SLC12A6: variants seen among roughly 807,000 people sequenced by gnomAD.
SLC12A6 encodes solute carrier family 12 member 6, also known as K-Cl cotransporter 3.
SLC12A6 carries 66 observed loss-of-function variants against 135.3 expected under a neutral mutation model. That is an observed-to-expected ratio of 0.49 (90% CI 0.40 to 0.60). The LOEUF (loss-of-function observed/expected upper bound fraction) is 0.60. Ranked by LOEUF, SLC12A6 falls within the 20% of genes least tolerant of loss-of-function variation. SLC12A6 has a pLI of 0.00. For synonymous variants in SLC12A6, 513 were observed against 508.8 expected (o/e 1.01, Z -0.11); for missense variants, 1,058 against 1,452.3 (o/e 0.73, Z 4.41).
chr15:34,291,091 A>G (rs1051942803), intron 2 of SLC12A6, among the ~76,000 whole-genome samples: 1 of 152,150 alleles, frequency 6.6e-6, no homozygotes, highest in African/African-American at 2.4e-5. Context: ...GGTCTTTACA[A>G]TTTGGTATGT....
intron 2 of SLC12A6, among the ~76,000 whole-genome samples, chr15:34,310,665 TGTGTC>T (rs1351766233): frequency 1.1e-5 from 1 of 87,884 alleles, no homozygotes; most frequent in Non-Finnish European, 2.1e-5. Flanking sequence ...TGTGTGTGTG[TGTGTC>T]CCCGTGTCCA....
chr15:34,265,499 T>C (rs537331797), intron 3 of SLC12A6, among the ~76,000 whole-genome samples: 11 of 150,586 alleles, frequency 7.3e-5, no homozygotes, highest in Non-Finnish European at 1.6e-4. Flanking sequence ...ATCAAATAGG[T>C]ACTGGGAGAG....
intron 2 of SLC12A6, among the ~76,000 whole-genome samples, chr15:34,285,521 T>C (rs75402336): frequency 0.027 from 4,124 of 151,696 alleles, 187 homozygotes; most frequent in African/African-American, 0.095. Context: ...TTTTTTTTTT[T>C]CCAAGCCAGC....
intron 2 of SLC12A6, among the ~76,000 whole-genome samples, chr15:34,317,178 C>T (rs1185792388): frequency 5.3e-5 from 8 of 152,102 alleles, no homozygotes; most frequent in Non-Finnish European, 1.0e-4. Flanking sequence ...AATAACCTTG[C>T]GGACAAAGAG....
At chr15:34,270,638 A>G (rs1160171256) in intron 3 of SLC12A6, among the ~76,000 whole-genome samples, 1 of 151,980 alleles carries the variant, frequency 6.6e-6, no homozygotes, top group African/African-American at 2.4e-5. Context: ...CCCCGTCTCC[A>G]CTGAAAATAC....
rs900722900 is a variant in SLC12A6, at chr15:34,237,626, T to C, written c.2803-76A>G. 1.3e-5 allele frequency: 16 copies of C among 1,251,006 alleles called. No individual in the cohort carries two copies. In the African/African-American group the frequency reaches 1.9e-4, roughly 15 times the overall value. The allele number at this position is 1,251,006 out of a possible 1,614,324, so 77.5% of individuals were successfully genotyped here. ...GGTTATTTCCTAAGACATTAGACAT[T>C]GTGGTCTAGAAGAACCTTGCTATAT... On this transcript the variant is annotated intron_variant, in intron 21 of 25. Coordinates refer to ENST00000354181, the MANE Select transcript of SLC12A6 (RefSeq NM_001365088.1).
At chr15:34,255,233 T>C (rs1424252656) in intron 8 of SLC12A6, 29 bp downstream of exon 8, 5 of 1,517,450 alleles carry the variant, frequency 3.3e-6, no homozygotes, top group African/African-American at 2.7e-5. Flanking sequence ...TTCTTCTATA[T>C]TATAGACCAC....
chr15:34,298,661 AAAG>A (rs1371463236), intron 2 of SLC12A6, among the ~76,000 whole-genome samples: 1 of 152,100 alleles, frequency 6.6e-6, no homozygotes, highest in African/African-American at 2.4e-5. Flanking sequence ...CTAACATAAA[AAAG>A]AAGAAAAGAA....
At position 34,229,857 on chromosome 15, in the gene SLC12A6, C is replaced by G. The variant is rs1228860833; in HGVS notation, c.*4024G>C. 2.7e-6 allele frequency: 4 copies of G among 1,464,902 alleles called. No homozygotes were observed. The highest frequency in any genetic ancestry group is 1.4e-5 in the African/African-American group (1 of 72,010). The allele number at this position is 1,464,902 out of a possible 1,614,324, so 90.7% of individuals were successfully genotyped here. A position where few individuals can be genotyped will look rare whatever the true frequency, so the allele number is the denominator to read the frequency against. On this transcript the variant is annotated 3_prime_UTR_variant, in exon 26 of 26. Transcript: ENST00000354181. ...TTACATCCTTCTTTAAGCCCAGTGG[C>G]TCCTCAGCATACTCTTAAACTAATC...
At chr15:34,275,471 A>C in intron 2 of SLC12A6, 82 bp from the exon 3 acceptor site, 1 of 811,286 alleles carries the variant, frequency 1.2e-6, no homozygotes, top group Non-Finnish European at 2.1e-6. Context: ...AACAAAAGTC[A>C]ACCAAGGAAA....
chr15:34,240,892 T>A (rs1383622264), intron 18 of SLC12A6, 63 bp from the exon 19 acceptor site: 5 of 1,246,626 alleles, frequency 4.0e-6, no homozygotes, highest in Non-Finnish European at 5.8e-6. Context: ...GGGAACAGAA[T>A]GACAGACTCC....
intron 2 of SLC12A6, among the ~76,000 whole-genome samples, chr15:34,283,172 A>G (rs1359025622): frequency 6.6e-6 from 1 of 151,990 alleles, no homozygotes; most frequent in African/African-American, 2.4e-5. Flanking sequence ...GTGAAACCCC[A>G]TCTCAACTAA....
intron 2 of SLC12A6, among the ~76,000 whole-genome samples, chr15:34,289,592 G>T (rs1428754140): frequency 6.6e-6 from 1 of 152,182 alleles, no homozygotes; most frequent in Non-Finnish European, 1.5e-5. Context: ...GAATCTGGCT[G>T]TGAATCCTTC....
rs1169854385 is a variant in SLC12A6 at position 34,236,732 on chromosome 15, T to C, written c.3018A>G (p.Leu1006=). The C allele has an allele frequency of 2.5e-6, 4 of 1,604,142 alleles. No homozygotes were observed. Among genetic ancestry groups the C allele is most frequent in the African/African-American group, 1.3e-5 (1 of 74,804 alleles). Residue 1006 remains leucine (L), a synonymous_variant, in exon 23 of 26, where the codon CTA becomes CTG. Coordinates refer to ENST00000354181, the MANE Select transcript of SLC12A6 (RefSeq NM_001365088.1). ...QRSQMLRHMR[L]SKTERDREAQ... is the part of the protein sequence containing the mutation. ...CCTCTCTGTCTCGCTCTGTTTTGGATAGCCGCATGTGCCGGAGCATCTGGG... is the reference window on the plus strand; with the variant it reads ...CCTCTCTGTCTCGCTCTGTTTTGGACAGCCGCATGTGCCGGAGCATCTGGG...
chr15:34,264,876 T>C (rs1157638078), intron 3 of SLC12A6, among the ~76,000 whole-genome samples: 1 of 152,220 alleles, frequency 6.6e-6, no homozygotes, highest in Non-Finnish European at 1.5e-5. Context: ...TCTTTTCCTC[T>C]TCTTAATGGC....
chr15:34,309,519 G>C (rs1454680423), intron 2 of SLC12A6, among the ~76,000 whole-genome samples: 2 of 152,094 alleles, frequency 1.3e-5, no homozygotes, highest in Non-Finnish European at 2.9e-5. Context: ...AAAAATTTTG[G>C]AAGTGAGAGA....
At position 34,242,204 on chromosome 15, in the gene SLC12A6, C is replaced by G. The variant is rs1490085227; in HGVS notation, c.2060G>C (p.Gly687Ala). 1 of 1,599,226 alleles carries G rather than the reference C, an allele frequency of 6.3e-7. No homozygotes were observed. The highest frequency in any genetic ancestry group is 1.1e-5 in the South Asian group (1 of 90,760). ...CATCAGAGCCAGACAGATACTCATT[C>G]CCATGAAAGAAAGGGCCCTAGAAAA... ...RYYHWALSFMGMSICLALMFI... is the reference protein window; with the variant it reads ...RYYHWALSFMAMSICLALMFI... Residue 687 changes from glycine (G) to alanine (A), a missense_variant, in exon 17 of 26, where the codon GGA (glycine) becomes GCA (alanine). Physicochemically the swap from Gly to Ala is moderately conservative, Grantham distance 60 (BLOSUM62 0). Transcript: ENST00000354181.
chr15:34,279,087 C>G (rs188786418), intron 2 of SLC12A6, among the ~76,000 whole-genome samples: 43 of 151,494 alleles, frequency 2.8e-4, no homozygotes, highest in African/African-American at 9.9e-4. Flanking sequence ...GAAGCTGAGG[C>G]GGGTGGATCA....
rs779591037 is a variant in SLC12A6, at chr15:34,245,375, T to A, written c.1853A>T (p.Glu618Val). ...AGTTAGAAGTAAAGCCCAGGTAGGT[T>A]CCCCATTGGCTTTGCTGTGGCCAAA... ...RVFGHSKANG[E>V]PTWALLLTAA... Residue 618 changes from glutamate (E) to valine (V), a missense_variant, in exon 15 of 26, where the codon GAA becomes GTA. Transcript: ENST00000354181. The A allele has an allele frequency of 1.2e-6, 2 of 1,612,302 alleles. No individual in the cohort carries two copies. Among genetic ancestry groups the A allele is most frequent in the Non-Finnish European group, 1.7e-6 (2 of 1,178,424 alleles).
Sources: allele counts gnomAD v4.1 joint callset (sites outside exome capture counted in the v4.1 genomes callset), GRCh38; gene constraint gnomAD v4.1.1; transcripts MANE v1.5; gene names NCBI Gene and HGNC (gene_info 2026-07-23, HGNC 2026-07-21).